FRRS1L: variants seen among roughly 807,000 people sequenced by gnomAD.
FRRS1L encodes the protein ferric chelate reductase 1 like.
In FRRS1L, 22 loss-of-function variants were observed where a neutral mutation model predicts 28.6. The observed-to-expected ratio is 0.77, with a 90% CI of 0.55 to 1.10. The LOEUF is 1.10. Among genes scored for constraint, FRRS1L ranks in the 50% least tolerant of loss-of-function variants. The pLI is 0.00. For missense variants in FRRS1L, 380 were observed against 386.9 expected, an observed-to-expected ratio of 0.98 and a Z score of 0.15; for synonymous variants, 158 against 151.4, an observed-to-expected ratio of 1.04 and a Z score of -0.32.
intron 4 of FRRS1L, chr9:109,140,056 G>C (rs1831159781): frequency 6.6e-6 from 1 of 152,208 alleles, no homozygotes; most frequent in Non-Finnish European, 1.5e-5. Context: ...GTCTCTAAAA[G>C]GTCTCATGAT....
intron 1 of FRRS1L, among the ~76,000 whole-genome samples, chr9:109,164,339 G>A (rs1183620738): frequency 1.3e-5 from 2 of 152,008 alleles, no homozygotes; most frequent in Non-Finnish European, 2.9e-5. Flanking sequence ...AAAGGAAGTT[G>A]AGCCAGGGAG....
In FRRS1L at chr9:109,132,861, C is replaced by G. The variant is rs1387921327; in HGVS notation, c.*4594G>C. The G allele has an allele frequency of 6.6e-6, 1 of 152,160 alleles. No homozygotes were observed. The highest frequency in any genetic ancestry group is 2.4e-5 in the African/African-American group (1 of 41,430). 9.4% of individuals were successfully genotyped at this position (152,160 alleles called of 1,614,324 possible). On this transcript the variant is annotated 3_prime_UTR_variant, in exon 5 of 5. Transcript: ENST00000561981. The stretch of plus-strand genomic sequence containing the variant: ...TCATTCATTTATGTATTGTTTATAG[C>G]AGAGCCAAACAGAGACTGAAAAGCC...
chr9:109,141,957 G>GAAA (rs534039812), intron 3 of FRRS1L, among the ~76,000 whole-genome samples: 32 of 108,248 alleles, frequency 3.0e-4, no homozygotes, highest in Non-Finnish European at 5.4e-4. Flanking sequence ...ACCAAAAAAA[G>GAAA]AAAAAAAAAA....
At chr9:109,141,286 T>C in intron 4 of FRRS1L, 57 bp downstream of exon 4, 3 of 1,596,980 alleles carry the variant, frequency 1.9e-6, no homozygotes, top group Non-Finnish European at 2.6e-6. Context: ...CAATTAACAA[T>C]GAACACAAGC....
At position 109,167,231 on chromosome 9, in the gene FRRS1L, CACGCG is replaced by C. The variant is rs1831569974; in HGVS notation, c.-98_-94del. ...ACTGAGCCTCCGCCGAGGCCACCAG[CACGCG>C]CCCGCGCAGCCGCGGAGCCTCCCGC... On this transcript the variant is annotated 5_prime_UTR_variant, in exon 1 of 5. Coordinates refer to ENST00000561981, the MANE Select transcript of FRRS1L (RefSeq NM_014334.4). The C allele has an allele frequency of 7.3e-7, 1 of 1,374,334 alleles. No homozygotes were observed. The highest frequency in any genetic ancestry group is 1.5e-5 in the African/African-American group (1 of 66,552). 85.1% of individuals were successfully genotyped at this position (1,374,334 alleles called of 1,614,324 possible).
In FRRS1L at chr9:109,137,477, T is replaced by C. The variant is rs769040844; in HGVS notation, c.860A>G (p.Tyr287Cys). 25 of 1,610,302 alleles carry C rather than the reference T, an allele frequency of 1.6e-5. No homozygotes were observed. Among genetic ancestry groups the C allele is most frequent in the South Asian group, 2.2e-5 (2 of 90,434 alleles). ...CLLLIVALTF[Y>C]LLMGTP ...TGGTTAGGGGGTTCCCATCAATAGG[T>C]AGAAGGTCAGAGCAACAATCAGAAG... The change falls in exon 5 of 5, where the codon TAC (tyrosine) becomes TGC (cysteine). Residue 287 changes from tyrosine to cysteine, a missense_variant. Physicochemically the swap from Tyr to Cys is radical, Grantham distance 194 (BLOSUM62 -2). Transcript: ENST00000561981.
Position 109,135,135 on chromosome 9 carries a change from C to CCACA in FRRS1L, c.*2316_*2319dup, listed in dbSNP as rs1452443560. Reference sequence around the variant, plus strand: ...CTCCAGGAGAATGTGAAAGCTCTCCCCACAGGCAGACTTTCACCTGTGACA... The same window carrying CCACA: ...CTCCAGGAGAATGTGAAAGCTCTCCCCACACACAGGCAGACTTTCACCTGTGACA... On this transcript the variant is annotated 3_prime_UTR_variant, in exon 5 of 5. Coordinates refer to ENST00000561981, the MANE Select transcript of FRRS1L (RefSeq NM_014334.4). The CCACA allele has an allele frequency of 6.6e-6, 1 of 152,186 alleles. No homozygotes were observed. The highest frequency in any genetic ancestry group is 2.4e-5 in the African/African-American group (1 of 41,446). 9.4% of individuals were successfully genotyped at this position (152,186 alleles called of 1,614,324 possible).
At chr9:109,160,622 CT>C (rs1266414118) in intron 1 of FRRS1L, among the ~76,000 whole-genome samples, 1 of 151,822 alleles carries the variant, frequency 6.6e-6, no homozygotes, top group Non-Finnish European at 1.5e-5. Context: ...TCCTGGGCTC[CT>C]CTCAAAGTGC....
At chr9:109,140,539 A>C (rs1394661177) in intron 4 of FRRS1L, 1 of 152,138 alleles carries the variant, frequency 6.6e-6, no homozygotes, top group Non-Finnish European at 1.5e-5. Flanking sequence ...ATAGCCAGGT[A>C]ATTCCTATAC....
In FRRS1L at chr9:109,130,935, G is replaced by A. The variant is rs1831050138; in HGVS notation, c.*6520C>T. The stretch of plus-strand genomic sequence containing the variant: ...CTATCAGCCTAATAGCAAATATCCA[G>A]GGGAAAACTGAACACATTAATCAAG... On this transcript the variant is annotated 3_prime_UTR_variant, in exon 5 of 5. Transcript: ENST00000561981. The A allele has an allele frequency of 6.6e-6, 1 of 152,180 alleles. No individual in the cohort carries two copies. The highest frequency in any genetic ancestry group is 1.5e-5 in the Non-Finnish European group (1 of 68,038). The allele number at this position is 152,180 out of a possible 1,614,324, so 9.4% of individuals were successfully genotyped here.
intron 1 of FRRS1L, among the ~76,000 whole-genome samples, chr9:109,159,936 C>T (rs900788541): frequency 2.2e-4 from 34 of 152,194 alleles, no homozygotes; most frequent in African/African-American, 7.5e-4. Context: ...AATCTGTCTA[C>T]ATAGATACAT....
intron 1 of FRRS1L, among the ~76,000 whole-genome samples, chr9:109,157,924 T>C (rs2118504458): frequency 6.6e-6 from 1 of 152,370 alleles, no homozygotes; most frequent in Non-Finnish European, 1.5e-5. Context: ...CCTTCAGAAA[T>C]ATTTTGTATA....
rs1300175384 is a variant in FRRS1L at position 109,136,585 on chromosome 9, A to T, written c.*870T>A. Reference sequence around the variant, plus strand: ...ACCTAGGCTGGAGTGCACTGGCACAATCTCGGCTCACTGCAACCTCCGCCT... The same window carrying T: ...ACCTAGGCTGGAGTGCACTGGCACATTCTCGGCTCACTGCAACCTCCGCCT... On this transcript the variant is annotated 3_prime_UTR_variant, in exon 5 of 5. Transcript: ENST00000561981. 6.6e-6 allele frequency: 1 copy of T among 152,150 alleles called. No homozygotes were observed. Among genetic ancestry groups the T allele is most frequent in the African/African-American group, 2.4e-5 (1 of 41,434 alleles). The allele number at this position is 152,150 out of a possible 1,614,324, so 9.4% of individuals were successfully genotyped here.
In FRRS1L at chr9:109,136,643, C is replaced by G. The variant is rs1445266006; in HGVS notation, c.*812G>C. The G allele has an allele frequency of 2.6e-5, 4 of 152,210 alleles. No homozygotes were observed. The highest frequency in any genetic ancestry group is 6.6e-5 in the Admixed American group (1 of 15,264). 9.4% of individuals were successfully genotyped at this position (152,210 alleles called of 1,614,324 possible). ...TCCAGCAATTCTCCTGCCTCAGCCT[C>G]CCGAATAGCTGGGATTATAGGTGTG... On this transcript the variant is annotated 3_prime_UTR_variant, in exon 5 of 5. Coordinates refer to ENST00000561981, the MANE Select transcript of FRRS1L (RefSeq NM_014334.4).
At chr9:109,146,224 TTAAATAAA>T (rs901908197) in intron 3 of FRRS1L, among the ~76,000 whole-genome samples, 1 of 151,312 alleles carries the variant, frequency 6.6e-6, no homozygotes, top group African/African-American at 2.4e-5. Flanking sequence ...AACAAATAAA[TTAAATAAA>T]TAAATAAATA....
At position 109,137,085 on chromosome 9, in the gene FRRS1L, G is replaced by T. The variant is rs765906909; in HGVS notation, c.*370C>A. On this transcript the variant is annotated 3_prime_UTR_variant, in exon 5 of 5. Transcript: ENST00000561981. ...TAGTTCCTTCTCTGCCTTTCTATTT[G>T]TCATTTCTAGCCAAAGTTATATGGT... 14 of 154,888 alleles carry T rather than the reference G, an allele frequency of 9.0e-5. No homozygotes were observed. Among genetic ancestry groups the T allele is most frequent in the Non-Finnish European group, 1.1e-4 (8 of 69,936 alleles). The allele number at this position is 154,888 out of a possible 1,614,324, so 9.6% of individuals were successfully genotyped here.
At position 109,141,426 on chromosome 9, in the gene FRRS1L, G is replaced by A. The variant is rs2118467636; in HGVS notation, c.626C>T (p.Pro209Leu). ...TGTTTCATCTCTGGGAACATTCACA[G>A]GGCGTTTAAATCTGCAGGTGACGCG... The part of the protein sequence containing the change: ...NNRVTCRFKR[P>L]VNVPRDETIV... Residue 209 changes from proline (P) to leucine (L), a missense_variant, in exon 4 of 5, where the codon CCT (proline) becomes CTT (leucine). By Grantham distance (98) the Pro-to-Leu change is moderately conservative. Coordinates refer to ENST00000561981, the MANE Select transcript of FRRS1L (RefSeq NM_014334.4). 1 of 1,614,068 alleles carries A rather than the reference G, an allele frequency of 6.2e-7. No individual in the cohort carries two copies. Among genetic ancestry groups the A allele is most frequent in the Non-Finnish European group, 8.5e-7 (1 of 1,179,956 alleles).
intron 1 of FRRS1L, among the ~76,000 whole-genome samples, chr9:109,152,649 A>C (rs901644205): frequency 6.6e-6 from 1 of 150,928 alleles, no homozygotes; most frequent in Non-Finnish European, 1.5e-5. Context: ...TAAAAAATAC[A>C]AAAAATTAGC....
chr9:109,139,182 G>A (rs1335636078), intron 4 of FRRS1L: 1 of 151,966 alleles, frequency 6.6e-6, no homozygotes, highest in Non-Finnish European at 1.5e-5. Flanking sequence ...CTGGGCGACA[G>A]AGTGAGACTC....
Sources: allele counts gnomAD v4.1 joint callset (sites outside exome capture counted in the v4.1 genomes callset), GRCh38; gene constraint gnomAD v4.1.1; transcripts MANE v1.5; gene names NCBI Gene and HGNC (gene_info 2026-07-23, HGNC 2026-07-21).